The following RANBP2 variants were observed in gnomAD, a reference collection of about 807,000 sequenced individuals.
RANBP2 encodes RAN binding protein 2, also known as E3 SUMO-protein ligase RanBP2.
RANBP2 carries 57 observed loss-of-function variants against 303.6 expected under a neutral mutation model. That is an observed-to-expected ratio of 0.19 (90% CI 0.15 to 0.23). The LOEUF is 0.23. RANBP2 is among the 10% of genes least tolerant of loss of function. RANBP2 has a pLI of 1.00. For missense variants in RANBP2, 3,138 were observed against 3,780.8 expected, an observed-to-expected ratio of 0.83 and a Z score of 4.46; for synonymous variants, 1,167 against 1,301.5, an observed-to-expected ratio of 0.90 and a Z score of 2.23.
the RANBP2 span, among the ~76,000 whole-genome samples, chr2:108,831,047 T>TGC: frequency 6.6e-6 from 1 of 151,856 alleles, no homozygotes; most frequent in Non-Finnish European, 1.5e-5. Context: ...TGGTGGTGCA[T>TGC]AACTGTAATC....
chr2:108,946,714 C>A, the RANBP2 span, among the ~76,000 whole-genome samples: 1 of 152,126 alleles, frequency 6.6e-6, no homozygotes, highest in African/African-American at 2.4e-5. Context: ...ACATATCAAA[C>A]AACCAGATCT....
At chr2:109,371,706 C>G in the RANBP2 span, 2 of 1,603,350 alleles carry the variant, frequency 1.2e-6, no homozygotes, top group Non-Finnish European at 1.7e-6. Context: ...CCCTCCCACA[C>G]TTGGCTCCTT....
the RANBP2 span, among the ~76,000 whole-genome samples, chr2:109,170,657 A>G: frequency 6.6e-5 from 10 of 152,242 alleles, no homozygotes; most frequent in Non-Finnish European, 1.0e-4. Flanking sequence ...GTCAAACAGA[A>G]TATTTCCTAA....
chr2:109,012,846 G>A, the RANBP2 span, among the ~76,000 whole-genome samples: 31 of 152,274 alleles, frequency 2.0e-4, no homozygotes, highest in East Asian at 3.9e-4. Context: ...CCTGGGAGGC[G>A]GAGCTTGCAG....
At chr2:108,857,475 A>G in the RANBP2 span, among the ~76,000 whole-genome samples, 2 of 152,194 alleles carry the variant, frequency 1.3e-5, no homozygotes, top group African/African-American at 4.8e-5. Flanking sequence ...CCAGCTAAAC[A>G]CAAGTAGAAC....
chr2:108,888,653 T>C, the RANBP2 span, among the ~76,000 whole-genome samples: 1 of 152,090 alleles, frequency 6.6e-6, no homozygotes, highest in Non-Finnish European at 1.5e-5. Context: ...TGGTATCGCT[T>C]GTAATATCTT....
the RANBP2 span, chr2:109,574,670 G>A: frequency 7.5e-6 from 12 of 1,609,894 alleles, no homozygotes; most frequent in African/African-American, 1.3e-5. Context: ...ACATGGATGC[G>A]AGAATCATGG....
chr2:109,381,530 C>T, the RANBP2 span, among the ~76,000 whole-genome samples: 1 of 152,102 alleles, frequency 6.6e-6, no homozygotes, highest in Non-Finnish European at 1.5e-5. Flanking sequence ...GCGTGGCCAT[C>T]ACGGTGCCCT....
At chr2:109,638,976 C>G in the RANBP2 span, among the ~76,000 whole-genome samples, 1 of 152,280 alleles carries the variant, frequency 6.6e-6, no homozygotes, top group South Asian at 2.1e-4. Flanking sequence ...AAGCCTGCAC[C>G]CAGCAGATGT....
the RANBP2 span, among the ~76,000 whole-genome samples, chr2:109,672,672 T>C: frequency 1.3e-4 from 20 of 152,246 alleles, no homozygotes; most frequent in Admixed American, 1.3e-3. Flanking sequence ...AAGTAATCTA[T>C]ATTGTATCAT....
the RANBP2 span, among the ~76,000 whole-genome samples, chr2:108,921,979 G>C: frequency 6.6e-6 from 1 of 152,220 alleles, no homozygotes; most frequent in Non-Finnish European, 1.5e-5. Flanking sequence ...GGGTGGGAGT[G>C]GGGTGCGCTC....
the RANBP2 span, among the ~76,000 whole-genome samples, chr2:108,911,835 G>A: frequency 2.6e-5 from 4 of 152,310 alleles, no homozygotes; most frequent in East Asian, 7.7e-4. Context: ...TGAGAACCCC[G>A]CATGTGGGCG....
downstream of RANBP2, among the ~76,000 whole-genome samples, chr2:108,787,708 G>A (rs952974053): frequency 4.0e-5 from 6 of 151,740 alleles, no homozygotes; most frequent in Non-Finnish European, 8.8e-5. Context: ...TTTCTGTAAG[G>A]TTGTTTTTTT....
the RANBP2 span, among the ~76,000 whole-genome samples, chr2:109,168,177 CTG>C: frequency 1.3e-5 from 2 of 152,170 alleles, no homozygotes. Context: ...GCAATGAAGA[CTG>C]TGATTTGCAA....
the RANBP2 span, among the ~76,000 whole-genome samples, chr2:109,282,137 A>G: frequency 6.6e-6 from 1 of 152,112 alleles, no homozygotes; most frequent in African/African-American, 2.4e-5. Flanking sequence ...TTCCTCCCTA[A>G]GGAGCAGTTT....
chr2:108,774,551 G>A (rs1375828185), intron 23 of RANBP2, among the ~76,000 whole-genome samples: 1 of 152,168 alleles, frequency 6.6e-6, no homozygotes, highest in Non-Finnish European at 1.5e-5. Flanking sequence ...AAGAGACTTG[G>A]TTGTTGACTT....
chr2:108,994,825 TATA>T, the RANBP2 span, among the ~76,000 whole-genome samples: 4 of 8,730 alleles, frequency 4.6e-4, no homozygotes, highest in African/African-American at 7.0e-4. Context: ...TATATATATA[TATA>T]TCTTTTTTTT....
At chr2:109,422,978 G>A in the RANBP2 span, among the ~76,000 whole-genome samples, 8 of 152,156 alleles carry the variant, frequency 5.3e-5, no homozygotes, top group Non-Finnish European at 1.0e-4. Flanking sequence ...CTCGGTCCAC[G>A]TACCTGCAAT....
At chr2:109,668,160 C>T in the RANBP2 span, among the ~76,000 whole-genome samples, 6 of 152,210 alleles carry the variant, frequency 3.9e-5, no homozygotes, top group African/African-American at 9.6e-5. Context: ...GAAATGAAGC[C>T]TGCAATTGCA....
Sources: gnomAD v4.1 joint callset for allele counts (sites outside exome capture counted in the v4.1 genomes callset) on GRCh38, gnomAD v4.1.1 for gene constraint, MANE v1.5 for transcripts, NCBI Gene and HGNC (gene_info 2026-07-23, HGNC 2026-07-21) for gene names.